The following FUT9 variants were observed in gnomAD, a reference collection of about 807,000 sequenced individuals.
FUT9 encodes fucosyltransferase 9.
Under a neutral mutation model 29.7 loss-of-function variants are expected in FUT9, and 15 were observed. The observed-to-expected ratio is 0.51, with a 90% CI of 0.34 to 0.78. FUT9 has a LOEUF of 0.78. Ranked by LOEUF, FUT9 falls within the 30% of genes least tolerant of loss-of-function variation. The pLI, the probability that FUT9 is intolerant of heterozygous loss-of-function variation, is 0.01. For missense variants in FUT9, 319 were observed against 425.4 expected (o/e 0.75, Z 2.20); for synonymous variants, 169 against 153.7 (o/e 1.10, Z -0.74).
chr6:96,154,490 G>T (rs1772739316), intron 2 of FUT9, among the ~76,000 whole-genome samples: 1 of 152,126 alleles, frequency 6.6e-6, no homozygotes, highest in East Asian at 1.9e-4. Context: ...AAGTAAGATT[G>T]TGTGAGACAG....
chr6:96,069,611 AT>A (rs1467567613), intron 1 of FUT9, among the ~76,000 whole-genome samples: 2 of 99,554 alleles, frequency 2.0e-5, no homozygotes, highest in Non-Finnish European at 4.4e-5. Context: ...ACAAACTATT[AT>A]TTTTTTATTT....
At chr6:96,169,723 C>A (rs1224359705) in intron 2 of FUT9, among the ~76,000 whole-genome samples, 1 of 152,102 alleles carries the variant, frequency 6.6e-6, no homozygotes, top group Non-Finnish European at 1.5e-5. Context: ...ATTCAAATCT[C>A]TTTTAAATGC....
intron 1 of FUT9, among the ~76,000 whole-genome samples, chr6:96,086,890 T>C (rs561226907): frequency 3.9e-5 from 6 of 152,190 alleles, no homozygotes; most frequent in Non-Finnish European, 8.8e-5. Flanking sequence ...CAGGATGATA[T>C]CAGGACCCTG....
At chr6:96,191,913 A>G (rs1238708916) in intron 2 of FUT9, among the ~76,000 whole-genome samples, 1 of 152,212 alleles carries the variant, frequency 6.6e-6, no homozygotes, top group East Asian at 1.9e-4. Context: ...CAAATCAATA[A>G]ACATAATCCA....
intron 1 of FUT9, among the ~76,000 whole-genome samples, chr6:96,044,456 G>C (rs901622458): frequency 6.7e-6 from 1 of 148,624 alleles, no homozygotes; most frequent in Non-Finnish European, 1.5e-5. Context: ...ATAAACTAAA[G>C]TAAACACAAA....
chr6:96,111,257 C>T (rs1311989690), intron 1 of FUT9, among the ~76,000 whole-genome samples: 1 of 152,020 alleles, frequency 6.6e-6, no homozygotes, highest in Non-Finnish European at 1.5e-5. Flanking sequence ...TCTTTCCCAC[C>T]TCTACCCCAC....
rs1381346158 is a variant in FUT9 at position 96,207,303 on chromosome 6, T to G, written c.*3068T>G. 6.0e-6 allele frequency: 1 copy of G among 166,988 alleles called. No individual in the cohort carries two copies. The highest frequency in any genetic ancestry group is 2.4e-5 in the African/African-American group (1 of 41,422). 10.3% of individuals were successfully genotyped at this position (166,988 alleles called of 1,614,324 possible). ...TTGGATTTAAGGATCCTATCTTTCT[T>G]TATCCCACTTTCTTTTCAATCGCAT... On this transcript the variant is annotated 3_prime_UTR_variant, in exon 3 of 3. Transcript: ENST00000302103.
At chr6:96,025,545 G>C (rs1039527537) in intron 1 of FUT9, among the ~76,000 whole-genome samples, 1 of 151,678 alleles carries the variant, frequency 6.6e-6, no homozygotes. Context: ...TGGACCCTTA[G>C]TTATGTTTCT....
At position 96,056,943 on chromosome 6, in the gene FUT9, A is replaced by G. The variant is rs567180876; in HGVS notation, c.-98+40731A>G. On this transcript the variant is annotated intron_variant, in intron 1 of 2. Transcript: ENST00000302103. The stretch of plus-strand genomic sequence containing the variant: ...CCGTACTGCAAGTACCCACACAACA[A>G]TTTTAGTTTTCACTGTTAGTGTTCA... Among the ~76,000 whole-genome samples, 95 of 152,214 alleles carry G rather than the reference A, an allele frequency of 6.2e-4. 3 individuals carry two copies. The South Asian group carries it at 0.019, about 31-fold the overall frequency.
chr6:96,035,846 A>G (rs1267088447), intron 1 of FUT9, among the ~76,000 whole-genome samples: 1 of 128,884 alleles, frequency 7.8e-6, no homozygotes, highest in South Asian at 2.2e-4. Context: ...TTAATATAAT[A>G]TATTATGTTT....
chr6:96,203,839 T>C lies in FUT9; in HGVS notation c.684T>C (p.Asp228=). 6.2e-7 allele frequency: 1 copy of C among 1,611,864 alleles called. No homozygotes were observed. Among genetic ancestry groups the C allele is most frequent in the Non-Finnish European group, 8.5e-7 (1 of 1,178,196 alleles). The part of the protein sequence containing the change: ...YGQAFGEYVN[D]KNLIPTISTC... ...AAGCATTTGGAGAATATGTCAATGA[T>C]AAAAATTTGATTCCTACCATATCTA... Residue 228 remains aspartate, a synonymous_variant, in exon 3 of 3, where the codon GAT becomes GAC. Coordinates refer to ENST00000302103, the MANE Select transcript of FUT9 (RefSeq NM_006581.4).
intron 1 of FUT9, among the ~76,000 whole-genome samples, chr6:96,098,110 G>A (rs1205485488): frequency 4.7e-5 from 7 of 150,526 alleles, no homozygotes; most frequent in Non-Finnish European, 7.4e-5. Flanking sequence ...AGAAAACAAA[G>A]AAAAAAAAAT....
intron 2 of FUT9, among the ~76,000 whole-genome samples, chr6:96,144,935 T>C (rs1286968269): frequency 6.6e-6 from 1 of 152,224 alleles, no homozygotes; most frequent in East Asian, 1.9e-4. Context: ...CACAGATATG[T>C]AGTGTCTCAT....
intron 1 of FUT9, among the ~76,000 whole-genome samples, chr6:96,038,093 G>A (rs1390886582): frequency 6.6e-6 from 1 of 152,158 alleles, no homozygotes; most frequent in East Asian, 1.9e-4. Context: ...TCCTAAGTAA[G>A]ATGTATAAGA....
chr6:96,115,481 C>T (rs1392378577), intron 2 of FUT9, among the ~76,000 whole-genome samples: 2 of 152,170 alleles, frequency 1.3e-5, no homozygotes, highest in Non-Finnish European at 2.9e-5. Context: ...GATTCACAAA[C>T]CCAAATTGTC....
intron 1 of FUT9, among the ~76,000 whole-genome samples, chr6:96,042,597 T>C (rs1460371494): frequency 2.6e-5 from 4 of 152,138 alleles, no homozygotes; most frequent in Non-Finnish European, 5.9e-5. Flanking sequence ...TAGAGATCAA[T>C]ATTTTACAGC....
At chr6:96,125,046 G>C (rs1772107804) in intron 2 of FUT9, among the ~76,000 whole-genome samples, 1 of 152,054 alleles carries the variant, frequency 6.6e-6, no homozygotes, top group African/African-American at 2.4e-5. Context: ...CCATTTGCTG[G>C]CTGATGTAAT....
At chr6:96,118,529 T>C (rs1486353547) in intron 2 of FUT9, among the ~76,000 whole-genome samples, 1 of 152,216 alleles carries the variant, frequency 6.6e-6, no homozygotes, top group Non-Finnish European at 1.5e-5. Context: ...TCCAGTTGTA[T>C]AAAAGTGTAG....
Position 96,212,616 on chromosome 6 carries a change from A to G in FUT9, c.*8381A>G, listed in dbSNP as rs1773959996. ...AATGGCATTGTTATAGAATCCCTAA[A>G]AGGTAAATAATGTATGAGATGAAGG... On this transcript the variant is annotated 3_prime_UTR_variant, in exon 3 of 3. Transcript: ENST00000302103. 6.0e-6 allele frequency: 2 copies of G among 331,052 alleles called. No individual in the cohort carries two copies. The highest frequency in any genetic ancestry group is 9.9e-5 in the East Asian group (2 of 20,278). The allele number at this position is 331,052 out of a possible 1,614,324, so 20.5% of individuals were successfully genotyped here.
Sources: gnomAD v4.1 joint callset for allele counts (sites outside exome capture counted in the v4.1 genomes callset) on GRCh38, gnomAD v4.1.1 for gene constraint, MANE v1.5 for transcripts, NCBI Gene and HGNC (gene_info 2026-07-23, HGNC 2026-07-21) for gene names.